The following ROCK2 variants were observed in gnomAD, a reference collection of about 807,000 sequenced individuals.
The protein encoded by ROCK2 is Rho associated coiled-coil containing protein kinase 2.
A neutral mutation model predicts 195.1 loss-of-function variants in ROCK2; 61 were observed. The ratio of observed to expected loss-of-function variants is 0.31; its 90% CI spans 0.25 to 0.39. ROCK2 has a LOEUF of 0.39. Among genes scored for constraint, ROCK2 ranks in the 10% least tolerant of loss-of-function variants. ROCK2 has a pLI of 1.00. For missense variants in ROCK2, 1,109 were observed against 1,637.4 expected (o/e 0.68, Z 5.57); for synonymous variants, 504 against 545.5 (o/e 0.92, Z 1.06).
Position 11,181,548 on chromosome 2 carries a change from G to T in ROCK2, c.*1889C>A, listed in dbSNP as rs1005561797. The T allele has an allele frequency of 6.6e-6, 1 of 151,404 alleles. No individual in the cohort carries two copies. Among genetic ancestry groups the T allele is most frequent in the East Asian group, 1.9e-4 (1 of 5,176 alleles). 9.4% of individuals were successfully genotyped at this position (151,404 alleles called of 1,614,324 possible). A position where few individuals can be genotyped will look rare whatever the true frequency, so the allele number is the denominator to read the frequency against. On this transcript the variant is annotated 3_prime_UTR_variant, in exon 33 of 33. Transcript: ENST00000315872. ...TTTCCACAATAGTATCTATTATGGG[G>T]ATCTAACTTTTTAAATATCTCTAAC... is the stretch of plus-strand genomic sequence containing the variant.
rs1041400653 is a variant in ROCK2, at chr2:11,181,123, TATTTC to T, written c.*2309_*2313del. On this transcript the variant is annotated 3_prime_UTR_variant, in exon 33 of 33. Transcript: ENST00000315872. ...TAAACTTTTGCCTTTTTTACTCAAA[TATTTC>T]AGTTACTCATATGTAAACTTGAAAT... 2 of 149,912 alleles carry T rather than the reference TATTTC, an allele frequency of 1.3e-5. No homozygotes were observed. The highest frequency in any genetic ancestry group is 4.9e-5 in the African/African-American group (2 of 41,054). 9.3% of individuals were successfully genotyped at this position (149,912 alleles called of 1,614,324 possible). A position where few individuals can be genotyped will look rare whatever the true frequency, so the allele number is the denominator to read the frequency against.
intron 1 of ROCK2, among the ~76,000 whole-genome samples, chr2:11,310,991 C>T (rs1558382651): frequency 6.6e-6 from 1 of 151,288 alleles, no homozygotes; most frequent in Non-Finnish European, 1.5e-5. Flanking sequence ...AGCCTGCATC[C>T]TAGATTTCAC....
chr2:11,232,127 T>C (rs928921114), intron 5 of ROCK2, among the ~76,000 whole-genome samples: 2 of 124,862 alleles, frequency 1.6e-5, no homozygotes, highest in African/African-American at 2.5e-5. Context: ...ACTATGGACA[T>C]TTCTTTTTTT....
At chr2:11,317,611 T>TA (rs1558388591) in intron 1 of ROCK2, among the ~76,000 whole-genome samples, 1 of 24,560 alleles carries the variant, frequency 4.1e-5, no homozygotes, top group Admixed American at 4.5e-4. Flanking sequence ...TATATATATA[T>TA]ATTTTTTTTT....
At chr2:11,186,562 C>T (rs1663207129) in intron 32 of ROCK2, among the ~76,000 whole-genome samples, 1 of 152,166 alleles carries the variant, frequency 6.6e-6, no homozygotes, top group South Asian at 2.1e-4. Context: ...GTACTCAGTT[C>T]AGGATCTCAT....
chr2:11,260,341 A>G (rs1231674218), intron 3 of ROCK2, among the ~76,000 whole-genome samples: 2 of 150,592 alleles, frequency 1.3e-5, no homozygotes, highest in Non-Finnish European at 3.0e-5. Context: ...CCAGCTACTC[A>G]GGAGGCTGAG....
rs1669226538 is a variant in ROCK2 at position 11,344,565 on chromosome 2, T to C, written c.-429A>G. 1 of 899,708 alleles carries C rather than the reference T, an allele frequency of 1.1e-6. No individual in the cohort carries two copies. Among genetic ancestry groups the C allele is most frequent in the Non-Finnish European group, 1.3e-6 (1 of 758,072 alleles). 55.7% of individuals were successfully genotyped at this position (899,708 alleles called of 1,614,324 possible). On this transcript the variant is annotated 5_prime_UTR_variant, in exon 1 of 33. An upstream start codon of the reference 5' UTR is lost. Transcript: ENST00000315872. The surrounding 1 kb of genome is among the most constrained non-coding windows in gnomAD (Gnocchi z 5.4). The stretch of plus-strand genomic sequence containing the variant: ...TACGGCCGCCGCCGGCCCGCTGCCA[T>C]GGTCGCCGCCGGCCGCCTTGCAGTC...
chr2:11,248,909 T>G (rs1665728341), intron 4 of ROCK2, among the ~76,000 whole-genome samples: 1 of 151,970 alleles, frequency 6.6e-6, no homozygotes, highest in Admixed American at 6.6e-5. Context: ...GCTTCTTTTT[T>G]TGTTTTAGAC....
intron 3 of ROCK2, among the ~76,000 whole-genome samples, chr2:11,282,456 T>C (rs906545167): frequency 1.3e-5 from 2 of 151,952 alleles, no homozygotes; most frequent in African/African-American, 2.4e-5. Flanking sequence ...CAATGTGATA[T>C]TGGTGAAAGA....
intron 3 of ROCK2, among the ~76,000 whole-genome samples, chr2:11,277,979 C>CAT (rs1362496345): frequency 6.6e-6 from 1 of 152,094 alleles, no homozygotes; most frequent in African/African-American, 2.4e-5. Context: ...ACAAAAACTG[C>CAT]ATATATTTAT....
At chr2:11,287,131 C>T (rs1285875613) in intron 2 of ROCK2, among the ~76,000 whole-genome samples, 1 of 152,094 alleles carries the variant, frequency 6.6e-6, no homozygotes, top group Admixed American at 6.5e-5. Flanking sequence ...AAGTAAAGAG[C>T]TTACTGTGAT....
intron 4 of ROCK2, among the ~76,000 whole-genome samples, chr2:11,242,542 A>G (rs1665464032): frequency 6.6e-6 from 1 of 152,136 alleles, no homozygotes; most frequent in Admixed American, 6.6e-5. Flanking sequence ...GGAAACCAAG[A>G]TAAGCAGAAT....
chr2:11,331,058 G>GGAA (rs70953389), intron 1 of ROCK2, among the ~76,000 whole-genome samples: 7 of 138,028 alleles, frequency 5.1e-5, no homozygotes, highest in African/African-American at 1.7e-4. Flanking sequence ...AGGAGGAGGA[G>GGAA]AAGAAGAAGA....
intron 1 of ROCK2, among the ~76,000 whole-genome samples, chr2:11,312,993 A>C (rs770983118): frequency 7.2e-5 from 11 of 152,224 alleles, no homozygotes; most frequent in Middle Eastern, 3.4e-3. Context: ...GATGAAGTGG[A>C]GCACGGGGGA....
At chr2:11,247,904 C>T (rs1460815433) in intron 4 of ROCK2, among the ~76,000 whole-genome samples, 1 of 152,016 alleles carries the variant, frequency 6.6e-6, no homozygotes, top group African/African-American at 2.4e-5. Context: ...GACCTGTAAT[C>T]CCAGCTACTC....
intron 1 of ROCK2, among the ~76,000 whole-genome samples, chr2:11,312,937 A>G (rs1351463604): frequency 6.6e-6 from 1 of 152,124 alleles, no homozygotes; most frequent in Non-Finnish European, 1.5e-5. Context: ...AGAGATAGCA[A>G]AAAGCTCAGT....
In ROCK2 at chr2:11,211,321, A is replaced by C. The variant is rs1384528415; in HGVS notation, c.2203+360T>G. 3.3e-5 allele frequency among the ~76,000 whole-genome samples: 5 copies of C among 152,302 alleles called. No homozygotes were observed. In the East Asian group the frequency reaches 9.6e-4, roughly 29 times the overall value. On this transcript the variant is annotated intron_variant, in intron 18 of 32. Coordinates refer to ENST00000315872, the MANE Select transcript of ROCK2 (RefSeq NM_004850.5). ...TGTATTACAAGAATTACCTGTATCA[A>C]TAGTAACAGGTATACAGCGTGTGAA...
At chr2:11,274,437 C>T (rs1666756248) in intron 3 of ROCK2, among the ~76,000 whole-genome samples, 3 of 152,100 alleles carry the variant, frequency 2.0e-5, no homozygotes, top group Admixed American at 2.0e-4. Flanking sequence ...GGGGACATTA[C>T]TACCCACTTT....
Position 11,285,102 on chromosome 2 carries a change from A to G in ROCK2, c.324+1437T>C, listed in dbSNP as rs569805595. Among the ~76,000 whole-genome samples the G allele has an allele frequency of 2.7e-3, 410 of 152,082 alleles. 3 individuals are homozygous for G. The highest frequency in any genetic ancestry group is 3.5e-3 in the Non-Finnish European group (236 of 67,980). On this transcript the variant is annotated intron_variant, in intron 3 of 32. Transcript: ENST00000315872. ...ACATGGAGAAACCCTGTCTCTACTA[A>G]AAATACAAAATTGGCCAGGCGTGGT...
Sources: gnomAD v4.1 joint callset for allele counts (sites outside exome capture counted in the v4.1 genomes callset) on GRCh38, gnomAD v4.1.1 for gene constraint, Gnocchi (gnomAD v3.1) non-coding constraint, MANE v1.5 for transcripts, NCBI Gene and HGNC (gene_info 2026-07-23, HGNC 2026-07-21) for gene names.